The following PLXDC1 variants were observed in gnomAD, a reference collection of about 807,000 sequenced individuals.
PLXDC1 encodes plexin domain containing 1, also known as plexin domain-containing protein 1.
In PLXDC1, 39 loss-of-function variants were observed where a neutral mutation model predicts 61.3. The observed-to-expected ratio is 0.64, with a 90% CI of 0.49 to 0.83. PLXDC1 has a LOEUF of 0.83. Ranked by LOEUF, PLXDC1 falls within the 40% of genes least tolerant of loss-of-function variation. PLXDC1 has a pLI of 0.00. For missense variants in PLXDC1, 596 were observed against 666.5 expected (o/e 0.89, Z 1.17); for synonymous variants, 212 against 254.5 (o/e 0.83, Z 1.59).
intron 12 of PLXDC1, among the ~76,000 whole-genome samples, chr17:39,071,111 T>TC (rs1199998006): frequency 6.6e-6 from 1 of 152,132 alleles, no homozygotes; most frequent in Non-Finnish European, 1.5e-5. Context: ...TTGAAATACG[T>TC]CCCGGGGGAG....
intron 12 of PLXDC1, among the ~76,000 whole-genome samples, chr17:39,071,581 G>A (rs553041262): frequency 6.6e-6 from 1 of 152,294 alleles, no homozygotes; most frequent in African/African-American, 2.4e-5. Context: ...CCCCAGGTGA[G>A]CCTCCCCTGA....
intron 8 of PLXDC1, among the ~76,000 whole-genome samples, chr17:39,086,619 T>C (rs1344911506): frequency 6.6e-6 from 1 of 151,878 alleles, no homozygotes; most frequent in African/African-American, 2.4e-5. Flanking sequence ...CCCAGCACTT[T>C]GGGAGGCCGA....
upstream of PLXDC1, chr17:39,152,837 A>C (rs928203043): frequency 3.0e-5 from 16 of 526,460 alleles, no homozygotes; most frequent in African/African-American, 3.1e-4. Context: ...AAGGCTCTCT[A>C]ATCTCTTAGA....
chr17:39,064,004 T>G lies in PLXDC1; in HGVS notation c.*3836A>C, dbSNP rs1908803927. On this transcript the variant is annotated 3_prime_UTR_variant, in exon 14 of 14. Transcript: ENST00000315392. ...GGCAGCTCTTGTCATTGTTTATCTC[T>G]CAATTTAACAAACCAAGCTGAAGCC... is the stretch of plus-strand genomic sequence containing the variant. 1 of 156,828 alleles carries G rather than the reference T, an allele frequency of 6.4e-6. No individual in the cohort carries two copies. The highest frequency in any genetic ancestry group is 6.1e-5 in the Admixed American group (1 of 16,382). 9.7% of individuals were successfully genotyped at this position (156,828 alleles called of 1,614,324 possible). A position where few individuals can be genotyped will look rare whatever the true frequency, so the allele number is the denominator to read the frequency against.
chr17:39,086,859 C>CAAAAAAAAAAAAAAAAAA (rs765774886), intron 8 of PLXDC1, among the ~76,000 whole-genome samples: 3 of 71,522 alleles, frequency 4.2e-5, no homozygotes, highest in Non-Finnish European at 7.3e-5. Flanking sequence ...GAGACTGTCT[C>CAAAAAAAAAAAAAAAAAA]AAAAAAAAAA....
At position 39,127,596 on chromosome 17, in the gene PLXDC1, G is replaced by A. The variant is rs151068717; in HGVS notation, c.255+12058C>T. 6.6e-3 allele frequency among the ~76,000 whole-genome samples: 1,006 copies of A among 152,062 alleles called. 6 individuals carry two copies. The highest frequency in any genetic ancestry group is 8.8e-3 in the Admixed American group (134 of 15,234). ...AAAAAATTGGCAAGGGGGAAGAAAC[G>A]GACAAATGACTTGAATAGATATTCC... is the stretch of plus-strand genomic sequence containing the variant. On this transcript the variant is annotated intron_variant, in intron 2 of 13. Transcript: ENST00000315392.
intron 12 of PLXDC1, 196 bp from the exon 13 acceptor site, chr17:39,070,212 G>C: frequency 2.1e-6 from 1 of 473,282 alleles, no homozygotes; most frequent in Non-Finnish European, 3.7e-6. Context: ...CACCATCTGG[G>C]TAGTTTTCCA....
At chr17:39,107,612 A>G in intron 5 of PLXDC1, 87 bp from the exon 6 acceptor site, 1 of 976,058 alleles carries the variant, frequency 1.0e-6, no homozygotes, top group African/African-American at 1.6e-5. Context: ...GGCAGCGGCC[A>G]CAGGTTGGGT....
chr17:39,106,903 C>T (rs946972461), intron 6 of PLXDC1, among the ~76,000 whole-genome samples: 1 of 152,040 alleles, frequency 6.6e-6, no homozygotes, highest in Non-Finnish European at 1.5e-5. Flanking sequence ...CCACCCACCT[C>T]AGCCTCCCAA....
chr17:39,112,067 A>T (rs1910823255), intron 2 of PLXDC1: 1 of 146,590 alleles, frequency 6.8e-6, no homozygotes, highest in Non-Finnish European at 1.5e-5. Flanking sequence ...GGAGACCCCT[A>T]TCTCAATTTT....
intron 5 of PLXDC1, 169 bp downstream of exon 5, chr17:39,107,954 G>T: frequency 1.3e-6 from 1 of 746,946 alleles, no homozygotes. Context: ...TGGGTAGCAG[G>T]CATTTTTGCC....
rs1265296148 is a variant in PLXDC1, at chr17:39,095,375, CCCCCAACCCCCCAA to C, written c.812-7687_812-7674del. Among the ~76,000 whole-genome samples the C allele has an allele frequency of 6.7e-4, 7 of 10,448 alleles. 3 individuals are homozygous for C. The highest frequency in any genetic ancestry group is 1.0e-3 in the Non-Finnish European group (4 of 3,928). 6.9% of individuals were successfully genotyped at this position (10,448 alleles called of 152,430 possible). A position where few individuals can be genotyped will look rare whatever the true frequency, so the allele number is the denominator to read the frequency against. On this transcript the variant is annotated intron_variant, in intron 7 of 13. Coordinates refer to ENST00000315392, the MANE Select transcript of PLXDC1 (RefSeq NM_020405.5). The stretch of plus-strand genomic sequence containing the variant: ...AAGAATCCTTACGCCCCGCCCCCCC[CCCCCAACCCCCCAA>C]GCCTGGGTTATTTGTTTTGGATTGT...
chr17:39,145,637 C>CGAGGG (rs2045336690), intron 1 of PLXDC1, among the ~76,000 whole-genome samples: 1 of 151,806 alleles, frequency 6.6e-6, no homozygotes, highest in South Asian at 2.1e-4. Flanking sequence ...AGAAAGGAGG[C>CGAGGG]GAGGGGAGGG....
chr17:39,146,637 C>A (rs980729395), intron 1 of PLXDC1, among the ~76,000 whole-genome samples: 2 of 151,268 alleles, frequency 1.3e-5, no homozygotes, highest in African/African-American at 2.4e-5. Context: ...CATGGCAAGA[C>A]CTTGTCTTTT....
chr17:39,095,131 A>C (rs1330667016), intron 7 of PLXDC1, among the ~76,000 whole-genome samples: 4 of 151,642 alleles, frequency 2.6e-5, no homozygotes, highest in Non-Finnish European at 4.4e-5. Flanking sequence ...TGGGGGGCAG[A>C]GTTGGGGATG....
At chr17:39,103,136 A>C (rs986075368) in intron 7 of PLXDC1, among the ~76,000 whole-genome samples, 17 of 150,032 alleles carry the variant, frequency 1.1e-4, no homozygotes, top group African/African-American at 4.2e-4. Context: ...AATGGCGTGA[A>C]CCCGGGAGGT....
At chr17:39,072,910 TA>T (rs1296291543) in intron 11 of PLXDC1, among the ~76,000 whole-genome samples, 25 of 152,220 alleles carry the variant, frequency 1.6e-4, no homozygotes, top group Admixed American at 1.5e-3. Context: ...TGTGGCTTTC[TA>T]AGTAAGTTTC....
At chr17:39,085,077 G>T (rs570770088) in intron 8 of PLXDC1, among the ~76,000 whole-genome samples, 2 of 152,376 alleles carry the variant, frequency 1.3e-5, no homozygotes, top group Non-Finnish European at 2.9e-5. Context: ...CCACTCATTT[G>T]ATCAACATTG....
chr17:39,112,527 A>G (rs2013973), intron 2 of PLXDC1, among the ~76,000 whole-genome samples: 51,441 of 140,090 alleles, frequency 0.37, 9,540 homozygotes, highest in Admixed American at 0.49. Context: ...GTGCGATCTC[A>G]GCTCACTGCA....
Sources: allele counts gnomAD v4.1 joint callset (sites outside exome capture counted in the v4.1 genomes callset), GRCh38; gene constraint gnomAD v4.1.1; transcripts MANE v1.5; gene names NCBI Gene and HGNC (gene_info 2026-07-23, HGNC 2026-07-21).